CDK14: variants seen among roughly 807,000 people sequenced by gnomAD.
CDK14 encodes cyclin-dependent kinase 14.
A neutral mutation model predicts 60.7 loss-of-function variants in CDK14; 34 were observed. The observed-to-expected ratio is 0.56, with a 90% confidence interval of 0.43 to 0.75. The LOEUF is 0.75. CDK14 is among the 30% of genes least tolerant of loss of function. CDK14 has a pLI of 0.00. For synonymous variants in CDK14, 197 were observed against 203.7 expected, an observed-to-expected ratio of 0.97 and a Z score of 0.28; for missense variants, 482 against 564.1, an observed-to-expected ratio of 0.85 and a Z score of 1.47.
chr7:91,083,991 CAGTT>C (rs755345283), intron 12 of CDK14, among the ~76,000 whole-genome samples: 13 of 152,312 alleles, frequency 8.5e-5, no homozygotes, highest in Admixed American at 2.0e-4. Context: ...ATGGAACTAA[CAGTT>C]AGCCTTTTGC....
chr7:91,195,138 A>T (rs890218476), intron 14 of CDK14, among the ~76,000 whole-genome samples: 1 of 152,270 alleles, frequency 6.6e-6, no homozygotes, highest in Non-Finnish European at 1.5e-5. Flanking sequence ...TTCATCAAAC[A>T]TTACAGCCTT....
intron 5 of CDK14, among the ~76,000 whole-genome samples, chr7:90,815,782 C>T (rs1283501162): frequency 6.6e-6 from 1 of 152,146 alleles, no homozygotes; most frequent in Non-Finnish European, 1.5e-5. Context: ...ATGGATGAAG[C>T]TGGAAGCCAT....
intron 2 of CDK14, among the ~76,000 whole-genome samples, chr7:90,725,297 G>A (rs1584824935): frequency 6.6e-6 from 1 of 152,086 alleles, no homozygotes; most frequent in Non-Finnish European, 1.5e-5. Context: ...TAGTTTGGTG[G>A]TGTGTTTTCC....
Position 91,018,332 on chromosome 7 carries a change from A to C in CDK14, c.1042-27565A>C, listed in dbSNP as rs114142114. On this transcript the variant is annotated intron_variant, in intron 10 of 14. Transcript: ENST00000380050. ...ACTGTCTTAGTCTCTTTGAGTTGCCATAACAAAATACCATAAGCTGGGTAA... is the reference window on the plus strand; with the variant it reads ...ACTGTCTTAGTCTCTTTGAGTTGCCCTAACAAAATACCATAAGCTGGGTAA... Among the ~76,000 whole-genome samples the C allele has an allele frequency of 2.0e-5, 3 of 152,324 alleles. 1 individual carries two copies. The South Asian group carries it at 6.2e-4, about 32-fold the overall frequency.
At chr7:90,705,968 T>A (rs1284766491) in intron 2 of CDK14, among the ~76,000 whole-genome samples, 2 of 152,054 alleles carry the variant, frequency 1.3e-5, no homozygotes, top group African/African-American at 2.4e-5. Context: ...GCATACTACT[T>A]TTTAGAATTT....
chr7:91,188,108 A>G (rs1359193445), intron 14 of CDK14, among the ~76,000 whole-genome samples: 1 of 151,986 alleles, frequency 6.6e-6, no homozygotes, highest in African/African-American at 2.4e-5. Flanking sequence ...TAAAAGGAAA[A>G]CCTTACCAAG....
At chr7:91,085,552 G>GT (rs1217475774) in intron 12 of CDK14, among the ~76,000 whole-genome samples, 1 of 152,144 alleles carries the variant, frequency 6.6e-6, no homozygotes, top group Non-Finnish European at 1.5e-5. Flanking sequence ...AAAGTTACCT[G>GT]TTCACCAGCT....
At chr7:90,724,748 C>T (rs540188083) in intron 2 of CDK14, among the ~76,000 whole-genome samples, 13 of 152,066 alleles carry the variant, frequency 8.5e-5, no homozygotes, top group South Asian at 2.1e-4. Context: ...TTGATTTCAA[C>T]GTGCCCTTAC....
intron 3 of CDK14, among the ~76,000 whole-genome samples, chr7:90,737,713 A>G (rs1803180182): frequency 6.6e-6 from 1 of 152,216 alleles, no homozygotes; most frequent in Non-Finnish European, 1.5e-5. Flanking sequence ...CAAAATAAAA[A>G]TTAGCCCAGT....
intron 10 of CDK14, among the ~76,000 whole-genome samples, chr7:91,035,203 A>G (rs186854838): frequency 1.4e-3 from 220 of 152,280 alleles, no homozygotes; most frequent in African/African-American, 5.1e-3. Flanking sequence ...AAGTAAATAT[A>G]TGGGCATCTG....
intron 2 of CDK14, among the ~76,000 whole-genome samples, chr7:90,652,323 A>G (rs1468568562): frequency 2.0e-5 from 3 of 152,362 alleles, no homozygotes; most frequent in Middle Eastern, 3.4e-3. Flanking sequence ...TATGAATCAA[A>G]TGAACATTTT....
intron 2 of CDK14, among the ~76,000 whole-genome samples, chr7:90,707,757 A>G (rs961243966): frequency 3.9e-5 from 6 of 152,060 alleles, no homozygotes; most frequent in African/African-American, 1.4e-4. Context: ...CCTGGGTAGT[A>G]CTGGAAGCTT....
chr7:90,604,294 A>G (rs1327917208), intron 2 of CDK14, 45 bp downstream of exon 2: 1 of 1,287,086 alleles, frequency 7.8e-7, no homozygotes, highest in Non-Finnish European at 1.1e-6. Context: ...TTTAATGACT[A>G]CCAGGTAAAG....
intron 2 of CDK14, among the ~76,000 whole-genome samples, chr7:90,712,194 A>G (rs185001988): frequency 1.9e-3 from 290 of 152,006 alleles, no homozygotes; most frequent in Middle Eastern, 0.01. Flanking sequence ...ATTCAGTGGC[A>G]TTAGATATAT....
chr7:90,952,898 C>T (rs905056832), intron 8 of CDK14, among the ~76,000 whole-genome samples: 14 of 152,096 alleles, frequency 9.2e-5, no homozygotes, highest in African/African-American at 3.4e-4. Context: ...TGTTTTGATG[C>T]ATGAACTGTA....
At chr7:90,623,564 T>A (rs1285316248) in intron 2 of CDK14, among the ~76,000 whole-genome samples, 1 of 152,196 alleles carries the variant, frequency 6.6e-6, no homozygotes, top group African/African-American at 2.4e-5. Context: ...TTTTTTTAAG[T>A]TTTCTTTTTC....
intron 2 of CDK14, among the ~76,000 whole-genome samples, chr7:90,670,511 T>C (rs973050978): frequency 2.6e-5 from 4 of 152,200 alleles, no homozygotes; most frequent in African/African-American, 9.6e-5. Context: ...AGAGGTTTAA[T>C]TGGCTCACGA....
chr7:90,766,115 ACT>A (rs1252644473), intron 4 of CDK14, among the ~76,000 whole-genome samples: 1 of 147,002 alleles, frequency 6.8e-6, no homozygotes, highest in Non-Finnish European at 1.5e-5. Context: ...ACATCATGGA[ACT>A]CTCTGTGTAG....
At chr7:90,606,419 A>G (rs1799420105) in intron 2 of CDK14, among the ~76,000 whole-genome samples, 1 of 152,258 alleles carries the variant, frequency 6.6e-6, no homozygotes, top group Non-Finnish European at 1.5e-5. Context: ...ATAATGGCTC[A>G]CAAAAAGTGA....
Sources: allele counts gnomAD v4.1 joint callset (sites outside exome capture counted in the v4.1 genomes callset), GRCh38; gene constraint gnomAD v4.1.1; transcripts MANE v1.5; gene names NCBI Gene and HGNC (gene_info 2026-07-23, HGNC 2026-07-21).